AUTS2: variants seen among roughly 807,000 people sequenced by gnomAD.
AUTS2 encodes autism susceptibility gene 2 protein.
Under a neutral mutation model 112.4 loss-of-function variants are expected in AUTS2, and 17 were observed. The observed-to-expected ratio is 0.15, with a 90% confidence interval of 0.10 to 0.23. The LOEUF (loss-of-function observed/expected upper bound fraction) is 0.23, where lower values mean the gene tolerates loss of function less well. Ranked by LOEUF, AUTS2 falls within the 10% of genes least tolerant of loss-of-function variation. The pLI is 1.00. For synonymous variants in AUTS2, 751 were observed against 702.7 expected, an observed-to-expected ratio of 1.07 and a Z score of -1.09; for missense variants, 1,510 against 1,701.6, an observed-to-expected ratio of 0.89 and a Z score of 1.98.
At chr7:70,400,589 A>G (rs1794284083) in intron 4 of AUTS2, among the ~76,000 whole-genome samples, 1 of 152,160 alleles carries the variant, frequency 6.6e-6, no homozygotes, top group African/African-American at 2.4e-5. Context: ...AGACAAGCTG[A>G]AAAGTCGCCT....
At chr7:70,424,632 G>A (rs1795356711) in intron 4 of AUTS2, among the ~76,000 whole-genome samples, 1 of 152,062 alleles carries the variant, frequency 6.6e-6, no homozygotes, top group South Asian at 2.1e-4. Flanking sequence ...TGTCACCCAG[G>A]CTAGAGCACA....
At chr7:69,668,165 G>C (rs1796156979) in intron 1 of AUTS2, among the ~76,000 whole-genome samples, 2 of 152,166 alleles carry the variant, frequency 1.3e-5, no homozygotes, top group South Asian at 4.1e-4. Flanking sequence ...CTGTTGTTGG[G>C]CTAGCTTGCT....
intron 5 of AUTS2, among the ~76,000 whole-genome samples, chr7:70,665,263 T>C (rs1476713023): frequency 6.6e-6 from 1 of 151,776 alleles, no homozygotes; most frequent in Non-Finnish European, 1.5e-5. Flanking sequence ...AATGCAGATC[T>C]TTTTTTTCTT....
chr7:70,446,087 T>C (rs1466386247), intron 5 of AUTS2, among the ~76,000 whole-genome samples: 1 of 152,096 alleles, frequency 6.6e-6, no homozygotes, highest in Non-Finnish European at 1.5e-5. Flanking sequence ...CTAAGGTAGT[T>C]TTGTTCTGAG....
rs1037599262 is a variant in AUTS2, at chr7:70,791,763, T to G, written c.*767T>G. On this transcript the variant is annotated 3_prime_UTR_variant, in exon 19 of 19. Coordinates refer to ENST00000342771, the MANE Select transcript of AUTS2 (RefSeq NM_015570.4). ...TTTTTCAAACGGAGAAACATCCTGTTTTGCAAATTGGACCCCAGGCTGGAA... is the reference window on the plus strand; with the variant it reads ...TTTTTCAAACGGAGAAACATCCTGTGTTGCAAATTGGACCCCAGGCTGGAA... The G allele has an allele frequency of 2.6e-5, 4 of 152,260 alleles. No individual in the cohort carries two copies. The highest frequency in any genetic ancestry group is 5.9e-5 in the Non-Finnish European group (4 of 68,050). The allele number at this position is 152,260 out of a possible 1,614,324, so 9.4% of individuals were successfully genotyped here. A position where few individuals can be genotyped will look rare whatever the true frequency, so the allele number is the denominator to read the frequency against.
intron 2 of AUTS2, among the ~76,000 whole-genome samples, chr7:70,045,533 A>G (rs1801461693): frequency 6.6e-6 from 1 of 151,488 alleles, no homozygotes; most frequent in Non-Finnish European, 1.5e-5. Context: ...TTAAAATGTG[A>G]CTCCTAGAAA....
chr7:70,514,330 T>A (rs1403937907), intron 5 of AUTS2, among the ~76,000 whole-genome samples: 1 of 152,234 alleles, frequency 6.6e-6, no homozygotes, highest in Non-Finnish European at 1.5e-5. Context: ...GACTGGGTAC[T>A]ATCTAAAGAA....
intron 2 of AUTS2, among the ~76,000 whole-genome samples, chr7:69,957,674 T>C (rs1056245635): frequency 1.4e-4 from 22 of 152,064 alleles, no homozygotes; most frequent in African/African-American, 4.8e-4. Flanking sequence ...TAATTATTAA[T>C]GGGTATCTTG....
At chr7:70,169,363 C>T (rs1003073902) in intron 4 of AUTS2, among the ~76,000 whole-genome samples, 1 of 152,064 alleles carries the variant, frequency 6.6e-6, no homozygotes, top group African/African-American at 2.4e-5. Context: ...GCCTCAGCCT[C>T]CCGAGTAGCT....
At chr7:69,767,287 C>T (rs1384602786) in intron 1 of AUTS2, among the ~76,000 whole-genome samples, 1 of 151,878 alleles carries the variant, frequency 6.6e-6, no homozygotes, top group African/African-American at 2.4e-5. Context: ...TCAAGTGATC[C>T]TCCCACCTCA....
At chr7:70,598,916 C>T (rs1450175482) in intron 5 of AUTS2, among the ~76,000 whole-genome samples, 2 of 152,132 alleles carry the variant, frequency 1.3e-5, no homozygotes, top group African/African-American at 2.4e-5. Context: ...AAACAGATTT[C>T]CAAACTCTTT....
intron 2 of AUTS2, among the ~76,000 whole-genome samples, chr7:70,068,890 CTG>C (rs1802623496): frequency 6.6e-6 from 1 of 152,194 alleles, no homozygotes; most frequent in South Asian, 2.1e-4. Context: ...GACTTTCAGT[CTG>C]TGAGACCTTT....
At chr7:70,088,803 G>A (rs1314309838) in intron 2 of AUTS2, among the ~76,000 whole-genome samples, 11 of 151,666 alleles carry the variant, frequency 7.3e-5, no homozygotes, top group East Asian at 1.9e-4. Context: ...TAGTAGAGAC[G>A]GGGTTTCACA....
chr7:70,478,218 A>T (rs536194582), intron 5 of AUTS2, among the ~76,000 whole-genome samples: 1 of 152,284 alleles, frequency 6.6e-6, no homozygotes, highest in East Asian at 1.9e-4. Context: ...GTTCAATATC[A>T]AAAATAAAGG....
intron 5 of AUTS2, among the ~76,000 whole-genome samples, chr7:70,597,371 A>G (rs903661348): frequency 1.3e-5 from 2 of 152,182 alleles, no homozygotes; most frequent in African/African-American, 4.8e-5. Flanking sequence ...TGTGTTTTCC[A>G]CATTCTTCAA....
chr7:69,903,916 G>A (rs541286941), intron 2 of AUTS2, among the ~76,000 whole-genome samples: 1 of 152,142 alleles, frequency 6.6e-6, no homozygotes, highest in Non-Finnish European at 1.5e-5. Context: ...ATAAAAATTT[G>A]CTCTTCTCTC....
intron 1 of AUTS2, among the ~76,000 whole-genome samples, chr7:69,774,469 C>T (rs551038720): frequency 2.2e-4 from 34 of 152,296 alleles, no homozygotes; most frequent in African/African-American, 7.7e-4. Context: ...GGAAGATCAC[C>T]GCATGAATGC....
intron 2 of AUTS2, among the ~76,000 whole-genome samples, chr7:70,092,599 A>C (rs974051516): frequency 1.3e-5 from 2 of 152,042 alleles, no homozygotes; most frequent in Admixed American, 6.6e-5. Flanking sequence ...CATGAGCTTA[A>C]GAGAGTGTGA....
chr7:69,773,984 A>G (rs138052979), intron 1 of AUTS2, among the ~76,000 whole-genome samples: 217 of 152,290 alleles, frequency 1.4e-3, no homozygotes, highest in African/African-American at 5.0e-3. Flanking sequence ...GCGAACTTCT[A>G]CCTCATTGTC....
Sources: gnomAD v4.1 joint callset for allele counts (sites outside exome capture counted in the v4.1 genomes callset) on GRCh38, gnomAD v4.1.1 for gene constraint, MANE v1.5 for transcripts, NCBI Gene and HGNC (gene_info 2026-07-23, HGNC 2026-07-21) for gene names.